Variants in UBE2W observed in about 807,000 individuals in gnomAD.
UBE2W encodes the protein ubiquitin conjugating enzyme E2 W.
UBE2W carries 18 observed loss-of-function variants against 27.2 expected under a neutral mutation model. That is an observed-to-expected ratio of 0.66 (90% CI 0.46 to 0.98). UBE2W has a LOEUF of 0.98. Among genes scored for constraint, UBE2W ranks in the 50% least tolerant of loss-of-function variants. The pLI, the probability that UBE2W is intolerant of heterozygous loss-of-function variation, is 0.00. For synonymous variants in UBE2W, 53 were observed against 57.2 expected (o/e 0.93, Z 0.33); for missense variants, 90 against 180.2 (o/e 0.50, Z 2.87).
chr8:73,861,912 T>C (rs1338119039), intron 1 of UBE2W, among the ~76,000 whole-genome samples: 2 of 152,190 alleles, frequency 1.3e-5, no homozygotes, highest in African/African-American at 2.4e-5. Flanking sequence ...AGGAAATGGG[T>C]GGTCTTTGAC....
Position 73,865,441 on chromosome 8 carries a change from A to T in UBE2W, c.15+13367T>A, listed in dbSNP as rs1392726152. ...CAGCCTAGGCAACATGGCAAAACTC[A>T]TCTCTACCAAAAATACAAAAATTAG... On this transcript the variant is annotated intron_variant, in intron 1 of 5. Coordinates refer to ENST00000602593, the MANE Select transcript of UBE2W (RefSeq NM_018299.6). Among the ~76,000 whole-genome samples the T allele has an allele frequency of 2.0e-5, 3 of 152,120 alleles. No individual in the cohort carries two copies. The East Asian group carries it at 5.8e-4, about 29-fold the overall frequency.
Position 73,791,636 on chromosome 8 carries a change from T to C in UBE2W, c.*2466A>G, listed in dbSNP as rs1469578304. The stretch of plus-strand genomic sequence containing the variant: ...ACTCAGATAAATGCCTTATGACTTT[T>C]AATAATGTAACTAACATATAAATTA... On this transcript the variant is annotated 3_prime_UTR_variant, in exon 6 of 6. Transcript: ENST00000602593. 1.0e-6 allele frequency: 1 copy of C among 984,838 alleles called. No homozygotes were observed. Among genetic ancestry groups the C allele is most frequent in the East Asian group, 1.1e-4 (1 of 8,824 alleles). The allele number at this position is 984,838 out of a possible 1,614,324, so 61.0% of individuals were successfully genotyped here.
intron 1 of UBE2W, among the ~76,000 whole-genome samples, chr8:73,849,524 A>C (rs1810981365): frequency 6.7e-6 from 1 of 149,468 alleles, no homozygotes; most frequent in African/African-American, 2.4e-5. Flanking sequence ...AAAAAAAAAA[A>C]AAAAAAAAAA....
intron 1 of UBE2W, among the ~76,000 whole-genome samples, chr8:73,866,287 AAAAAT>A (rs1811761873): frequency 1.9e-5 from 2 of 103,970 alleles, no homozygotes; most frequent in African/African-American, 8.5e-5. Context: ...AAAAAAAAAA[AAAAAT>A]ATATATATAT....
chr8:73,787,830 T>C lies in UBE2W; in HGVS notation c.*6272A>G. On this transcript the variant is annotated 3_prime_UTR_variant, in exon 6 of 6. Transcript: ENST00000602593. ...AGGAACATCGGACTCACGATAACTC[T>C]AAGCAAGTGCCTGGGTCTCCATTTC... The C allele has an allele frequency of 2.0e-6, 2 of 985,430 alleles. No homozygotes were observed. The highest frequency in any genetic ancestry group is 2.4e-6 in the Non-Finnish European group (2 of 829,930). 61.0% of individuals were successfully genotyped at this position (985,430 alleles called of 1,614,324 possible).
At chr8:73,860,293 C>T (rs1438165744) in intron 1 of UBE2W, among the ~76,000 whole-genome samples, 1 of 152,108 alleles carries the variant, frequency 6.6e-6, no homozygotes, top group African/African-American at 2.4e-5. Context: ...CCTTTTCAAC[C>T]CAATTCTTTA....
At chr8:73,829,714 T>C (rs967279337) in intron 2 of UBE2W, among the ~76,000 whole-genome samples, 4 of 152,176 alleles carry the variant, frequency 2.6e-5, no homozygotes, top group Admixed American at 6.5e-5. Context: ...GGGTAAGTTA[T>C]ATGAATTTTG....
chr8:73,866,268 TAAAAAA>T (rs10568367), intron 1 of UBE2W, among the ~76,000 whole-genome samples: 23 of 42,306 alleles, frequency 5.4e-4, no homozygotes, highest in Middle Eastern at 0.029. Context: ...AGACTTGGTC[TAAAAAA>T]AAAAAAAAAA....
At chr8:73,833,392 T>A (rs935602150) in intron 1 of UBE2W, among the ~76,000 whole-genome samples, 2 of 151,840 alleles carry the variant, frequency 1.3e-5, no homozygotes, top group Non-Finnish European at 2.9e-5. Flanking sequence ...GTATAATTTT[T>A]AAAAAATTTT....
At chr8:73,803,799 C>T (rs1808750286) in intron 5 of UBE2W, among the ~76,000 whole-genome samples, 1 of 147,198 alleles carries the variant, frequency 6.8e-6, no homozygotes, top group African/African-American at 2.5e-5. Flanking sequence ...CGGAGGCTTG[C>T]TCTGTCGCCC....
At chr8:73,798,305 A>G (rs999651433) in intron 5 of UBE2W, among the ~76,000 whole-genome samples, 1 of 152,132 alleles carries the variant, frequency 6.6e-6, no homozygotes. Context: ...TCAAAAAATA[A>G]ATGAAGTTTT....
intron 5 of UBE2W, 101 bp downstream of exon 5, chr8:73,805,550 C>A: frequency 2.4e-6 from 1 of 410,536 alleles, no homozygotes; most frequent in Admixed American, 5.5e-5. Context: ...ATAAATATAA[C>A]ACCAATTATA....
At chr8:73,808,036 C>A (rs1188764701) in intron 4 of UBE2W, among the ~76,000 whole-genome samples, 1 of 152,062 alleles carries the variant, frequency 6.6e-6, no homozygotes, top group East Asian at 1.9e-4. Context: ...GATTTAAATA[C>A]CTTCAGTTTA....
At chr8:73,828,856 ATCT>A (rs896838711) in intron 2 of UBE2W, among the ~76,000 whole-genome samples, 1 of 152,090 alleles carries the variant, frequency 6.6e-6, no homozygotes, top group African/African-American at 2.4e-5. Flanking sequence ...CAAATACTAG[ATCT>A]TCTTCATTCT....
rs1251020629 is a variant in UBE2W at position 73,797,714 on chromosome 8, A to G, written c.443-3599T>C. Among the ~76,000 whole-genome samples, 4 of 152,334 alleles carry G rather than the reference A, an allele frequency of 2.6e-5. No homozygotes were observed. The East Asian group carries it at 5.8e-4, about 22-fold the overall frequency. ...GCTGAACAGAATCAGAATGCAGTCC[A>G]TGGTTTTTAAAAACCGATATTCCTC... is the stretch of plus-strand genomic sequence containing the variant. On this transcript the variant is annotated intron_variant, in intron 5 of 5. Coordinates refer to ENST00000602593, the MANE Select transcript of UBE2W (RefSeq NM_018299.6).
rs146148811 is a variant in UBE2W, at chr8:73,830,564, C to T, written c.16-92G>A. 108 of 908,094 alleles carry T rather than the reference C, an allele frequency of 1.2e-4. 2 individuals are homozygous for T. The highest frequency in any genetic ancestry group is 4.6e-4 in the South Asian group (31 of 67,618). 56.3% of individuals were successfully genotyped at this position (908,094 alleles called of 1,614,324 possible). On this transcript the variant is annotated intron_variant, in intron 1 of 5. Coordinates refer to ENST00000602593, the MANE Select transcript of UBE2W (RefSeq NM_018299.6). ...ACAGTGGTGTGATCACAGCTCACCA[C>T]ATCCTCAAACTCCTGGGCTCAAGGA... is the stretch of plus-strand genomic sequence containing the variant.
Position 73,792,070 on chromosome 8 carries a change from A to C in UBE2W, c.*2032T>G. 1.0e-6 allele frequency: 1 copy of C among 985,292 alleles called. No individual in the cohort carries two copies. The highest frequency in any genetic ancestry group is 1.2e-6 in the Non-Finnish European group (1 of 829,790). 61.0% of individuals were successfully genotyped at this position (985,292 alleles called of 1,614,324 possible). A position where few individuals can be genotyped will look rare whatever the true frequency, so the allele number is the denominator to read the frequency against. ...GACAGATTTCTCCCTAACCCCCAGA[A>C]GAAGATCAAGTCAAACAGTAGTGTA... On this transcript the variant is annotated 3_prime_UTR_variant, in exon 6 of 6. Coordinates refer to ENST00000602593, the MANE Select transcript of UBE2W (RefSeq NM_018299.6).
chr8:73,805,472 C>CAAACAAAAAAAAACAAAACAAAACAAA (rs1254739442), intron 5 of UBE2W, among the ~76,000 whole-genome samples, 179 bp downstream of exon 5: 1 of 43,676 alleles, frequency 2.3e-5, no homozygotes, highest in Non-Finnish European at 5.0e-5. Flanking sequence ...AAAAAAAAAA[C>CAAACAAAAAAAAACAAAACAAAACAAA]AAAAAAAACT....
chr8:73,811,877 G>T (rs970861611), intron 3 of UBE2W, among the ~76,000 whole-genome samples: 1 of 151,906 alleles, frequency 6.6e-6, no homozygotes, highest in African/African-American at 2.4e-5. Flanking sequence ...AACCAGTGAG[G>T]TAAATATGAA....
Sources: gnomAD v4.1 joint callset for allele counts (sites outside exome capture counted in the v4.1 genomes callset) on GRCh38, gnomAD v4.1.1 for gene constraint, MANE v1.5 for transcripts, NCBI Gene and HGNC (gene_info 2026-07-23, HGNC 2026-07-21) for gene names.